MAGI1: variants seen among roughly 807,000 people sequenced by gnomAD.
MAGI1 encodes membrane-associated guanylate kinase, WW and PDZ domain-containing protein 1.
In MAGI1, 58 loss-of-function variants were observed where a neutral mutation model predicts 139.9. The ratio of observed to expected loss-of-function variants is 0.41; its 90% CI spans 0.34 to 0.52. The LOEUF (loss-of-function observed/expected upper bound fraction) is 0.52, where lower values mean the gene tolerates loss of function less well. MAGI1 is among the 20% of genes least tolerant of loss of function. The pLI is 0.12. For missense variants in MAGI1, 1,874 were observed against 1,901.6 expected (o/e 0.99, Z 0.27); for synonymous variants, 812 against 737.9 (o/e 1.10, Z -1.63).
At chr3:65,675,174 T>G (rs2087109029) in intron 1 of MAGI1, among the ~76,000 whole-genome samples, 1 of 152,148 alleles carries the variant, frequency 6.6e-6, no homozygotes, top group Non-Finnish European at 1.5e-5. Flanking sequence ...TGAGGCCAAA[T>G]GAAAATAAAA....
chr3:65,800,094 G>A (rs2040419025), intron 1 of MAGI1, among the ~76,000 whole-genome samples: 1 of 152,146 alleles, frequency 6.6e-6, no homozygotes, highest in Non-Finnish European at 1.5e-5. Flanking sequence ...CCAAGTTTCA[G>A]TTTCCTCATC....
intron 1 of MAGI1, among the ~76,000 whole-genome samples, chr3:65,736,303 T>C (rs2034723750): frequency 6.6e-6 from 1 of 152,182 alleles, no homozygotes; most frequent in African/African-American, 2.4e-5. Context: ...GAGTTCCAGG[T>C]GACAAGAACA....
At chr3:66,027,056 T>G (rs905646817) in intron 1 of MAGI1, among the ~76,000 whole-genome samples, 2 of 151,294 alleles carry the variant, frequency 1.3e-5, no homozygotes, top group Non-Finnish European at 2.9e-5. Context: ...GATCACAAGG[T>G]CAGGAGATCG....
Position 65,430,007 on chromosome 3 carries a change from A to G in MAGI1, c.1680T>C (p.Phe560=), listed in dbSNP as rs946738335. 1.2e-6 allele frequency: 2 copies of G among 1,613,992 alleles called. No individual in the cohort carries two copies. Among genetic ancestry groups the G allele is most frequent in the Non-Finnish European group, 1.7e-6 (2 of 1,179,936 alleles). ...LELCRGYPLP[F]DPDDPNTSLV... is the part of the protein sequence containing the mutation. The stretch of plus-strand genomic sequence containing the variant: ...AACTTGTATTGGGGTCATCTGGATC[A>G]AAAGGCAATGGATAACCTCGGCAGA... The change falls in exon 12 of 23, where the codon TTT becomes TTC. Residue 560 remains phenylalanine (F), a synonymous_variant. Transcript: ENST00000402939.
At chr3:65,885,588 G>T (rs924146049) in intron 1 of MAGI1, among the ~76,000 whole-genome samples, 1 of 151,962 alleles carries the variant, frequency 6.6e-6, no homozygotes, top group Non-Finnish European at 1.5e-5. Flanking sequence ...CTTAATCATG[G>T]GGGTGGGTTT....
At chr3:65,500,039 C>T (rs1159066444) in intron 2 of MAGI1, among the ~76,000 whole-genome samples, 1 of 150,874 alleles carries the variant, frequency 6.6e-6, no homozygotes, top group East Asian at 1.9e-4. Flanking sequence ...CACAAAAAAA[C>T]ATGCAAACGA....
Position 65,745,142 on chromosome 3 carries a change from G to A in MAGI1, c.314-123054C>T, listed in dbSNP as rs28492055. ...AGTGATTTTTTGGAAAACTATTTTC[G>A]CATATTAAATTATTTTTTACAATGG... On this transcript the variant is annotated intron_variant, in intron 1 of 22. Coordinates refer to ENST00000402939, the MANE Select transcript of MAGI1 (RefSeq NM_001033057.2). Among the ~76,000 whole-genome samples, 970 of 152,018 alleles carry A rather than the reference G, an allele frequency of 6.4e-3. 14 individuals carry two copies. The highest frequency in any genetic ancestry group is 0.022 in the African/African-American group (900 of 41,434).
intron 2 of MAGI1, among the ~76,000 whole-genome samples, chr3:65,593,608 G>T (rs1387717362): frequency 6.6e-6 from 1 of 152,130 alleles, no homozygotes; most frequent in East Asian, 1.9e-4. Context: ...TCAAGGAGTT[G>T]TACTTTTTTG....
At chr3:65,946,201 T>G (rs1228578890) in intron 1 of MAGI1, among the ~76,000 whole-genome samples, 1 of 152,004 alleles carries the variant, frequency 6.6e-6, no homozygotes, top group Non-Finnish European at 1.5e-5. Context: ...GCACTAAGGG[T>G]GATGACTGGG....
chr3:65,550,312 G>A (rs1362415606), intron 2 of MAGI1, among the ~76,000 whole-genome samples: 1 of 152,184 alleles, frequency 6.6e-6, no homozygotes, highest in Non-Finnish European at 1.5e-5. Flanking sequence ...AAATGCTGGA[G>A]CAATGCCCCA....
At chr3:65,555,630 T>C (rs889163436) in intron 2 of MAGI1, among the ~76,000 whole-genome samples, 2 of 152,120 alleles carry the variant, frequency 1.3e-5, no homozygotes, top group African/African-American at 4.8e-5. Flanking sequence ...AGGCCAAGGC[T>C]GGAGGAACAC....
intron 22 of MAGI1, chr3:65,360,262 T>C (rs986721993): frequency 1.0e-6 from 1 of 985,054 alleles, no homozygotes; most frequent in Non-Finnish European, 1.2e-6. Flanking sequence ...GACCAACGTA[T>C]CTGGGGACCA....
At chr3:65,977,857 G>A (rs539341782) in intron 1 of MAGI1, among the ~76,000 whole-genome samples, 13 of 152,098 alleles carry the variant, frequency 8.5e-5, no homozygotes, top group South Asian at 6.2e-4. Context: ...TTGCCGCCTC[G>A]GTGAATTGTT....
intron 1 of MAGI1, chr3:65,914,306 C>T (rs1385602786): frequency 6.6e-6 from 1 of 152,204 alleles, no homozygotes; most frequent in East Asian, 1.9e-4. Flanking sequence ...AATCCAGCAA[C>T]ATTTATTTCA....
chr3:65,419,365 C>G (rs559999531), intron 12 of MAGI1, among the ~76,000 whole-genome samples: 53 of 152,234 alleles, frequency 3.5e-4, no homozygotes, highest in African/African-American at 1.3e-3. Flanking sequence ...AAGGACTTAT[C>G]TTCAGTGAGT....
At chr3:65,569,313 A>G (rs979020826) in intron 2 of MAGI1, among the ~76,000 whole-genome samples, 1 of 152,198 alleles carries the variant, frequency 6.6e-6, no homozygotes, top group Non-Finnish European at 1.5e-5. Context: ...TAATGAGTAC[A>G]TAGTTTCAGT....
chr3:65,685,304 C>G (rs1208322705), intron 1 of MAGI1, among the ~76,000 whole-genome samples: 1 of 144,674 alleles, frequency 6.9e-6, no homozygotes, highest in African/African-American at 2.7e-5. Flanking sequence ...TTGTATATTT[C>G]TTCATTTAAA....
chr3:65,881,491 G>T (rs197100), intron 1 of MAGI1, among the ~76,000 whole-genome samples: 6,860 of 152,056 alleles, frequency 0.045, 528 homozygotes, highest in African/African-American at 0.16. Context: ...GCTGGGCATG[G>T]TGGTGTGTGC....
At chr3:65,804,100 T>C (rs1468821986) in intron 1 of MAGI1, among the ~76,000 whole-genome samples, 1 of 152,150 alleles carries the variant, frequency 6.6e-6, no homozygotes, top group Non-Finnish European at 1.5e-5. Context: ...TTTATAACAC[T>C]GAAGAAATTC....
Sources: gnomAD v4.1 joint callset for allele counts (sites outside exome capture counted in the v4.1 genomes callset) on GRCh38, gnomAD v4.1.1 for gene constraint, MANE v1.5 for transcripts, NCBI Gene and HGNC (gene_info 2026-07-23, HGNC 2026-07-21) for gene names.